SNTG2: variants seen among roughly 807,000 people sequenced by gnomAD.
SNTG2 encodes gamma-2-syntrophin.
In SNTG2, 74 loss-of-function variants were observed where a neutral mutation model predicts 70.9. The observed-to-expected ratio is 1.04, with a 90% CI of 0.86 to 1.27. SNTG2 has a LOEUF of 1.27. Among genes scored for constraint, SNTG2 ranks in the 50% most tolerant of loss-of-function variants. The probability of loss-of-function intolerance (pLI) is 0.00; values close to 1 mark genes in which losing one functional copy is unlikely to be tolerated. For missense variants in SNTG2, 717 were observed against 690.7 expected, an observed-to-expected ratio of 1.04 and a Z score of -0.43; for synonymous variants, 278 against 273.8, an observed-to-expected ratio of 1.02 and a Z score of -0.15.
rs141033672 is a variant in SNTG2 at position 1,270,566 on chromosome 2, C to T, written c.1284+2995C>T. Among the ~76,000 whole-genome samples the T allele has an allele frequency of 7.1e-4, 108 of 152,310 alleles. 1 individual carries two copies. Among genetic ancestry groups the T allele is most frequent in the African/African-American group, 2.5e-3 (105 of 41,560 alleles). On this transcript the variant is annotated intron_variant, in intron 14 of 16. Transcript: ENST00000308624. ...GACTAAACCACAATGGCAGGATCTA[C>T]GCAAGATTTCAAGAATTGCTGTCTT... is the stretch of plus-strand genomic sequence containing the variant.
At chr2:994,690 G>A (rs1661618456) in intron 1 of SNTG2, among the ~76,000 whole-genome samples, 1 of 151,746 alleles carries the variant, frequency 6.6e-6, no homozygotes, top group Non-Finnish European at 1.5e-5. Flanking sequence ...CATGAACATG[G>A]ACTGTCTTTC....
intron 1 of SNTG2, among the ~76,000 whole-genome samples, chr2:1,018,382 A>T (rs1440310147): frequency 2.6e-5 from 4 of 152,146 alleles, no homozygotes. Context: ...CTTCTGAAAG[A>T]TGCCCTTGAA....
intron 1 of SNTG2, 102 bp downstream of exon 1, chr2:951,170 C>G (rs1006045228): frequency 1.9e-6 from 1 of 538,558 alleles, no homozygotes; most frequent in Non-Finnish European, 2.8e-6. Flanking sequence ...CCTCGCTCCC[C>G]GCGACCCCTT....
intron 4 of SNTG2, among the ~76,000 whole-genome samples, chr2:1,130,238 T>C (rs1667935148): frequency 6.6e-6 from 1 of 152,220 alleles, no homozygotes; most frequent in Non-Finnish European, 1.5e-5. Flanking sequence ...GATGACATTC[T>C]TTGGAGCCAT....
At chr2:1,291,690 G>T (rs1340844751) in intron 14 of SNTG2, among the ~76,000 whole-genome samples, 3 of 152,274 alleles carry the variant, frequency 2.0e-5, no homozygotes, top group Non-Finnish European at 2.9e-5. Flanking sequence ...TCTCTGTTCT[G>T]TTCCATTGAT....
chr2:1,152,554 GTT>G (rs756903552), intron 6 of SNTG2, among the ~76,000 whole-genome samples: 32 of 133,050 alleles, frequency 2.4e-4, no homozygotes, highest in African/African-American at 7.4e-4. Context: ...ACACACGTAT[GTT>G]TCTAGGTGTG....
At chr2:1,141,649 C>G (rs568844477) in intron 6 of SNTG2, among the ~76,000 whole-genome samples, 36 of 152,314 alleles carry the variant, frequency 2.4e-4, no homozygotes, top group African/African-American at 8.7e-4. Flanking sequence ...TACAGCATGG[C>G]TTTTGGTTTT....
At chr2:1,117,238 C>T (rs997170902) in intron 4 of SNTG2, among the ~76,000 whole-genome samples, 1 of 152,040 alleles carries the variant, frequency 6.6e-6, no homozygotes, top group Non-Finnish European at 1.5e-5. Flanking sequence ...TTTCTAATTC[C>T]AAAGGCACTT....
intron 6 of SNTG2, among the ~76,000 whole-genome samples, chr2:1,153,280 T>C (rs559857197): frequency 6.6e-6 from 1 of 152,336 alleles, no homozygotes; most frequent in East Asian, 1.9e-4. Context: ...TATTATACTT[T>C]AAAGTTTTAG....
chr2:1,195,372 A>T (rs1672847425), intron 8 of SNTG2, among the ~76,000 whole-genome samples: 1 of 152,144 alleles, frequency 6.6e-6, no homozygotes, highest in Non-Finnish European at 1.5e-5. Flanking sequence ...ATTTCTCCAC[A>T]TCCTCTCCAG....
chr2:1,122,400 T>G (rs1418403927), intron 4 of SNTG2, among the ~76,000 whole-genome samples: 9 of 152,148 alleles, frequency 5.9e-5, no homozygotes, highest in Admixed American at 1.3e-4. Context: ...ATTAGAAAGA[T>G]TACATGTCAT....
intron 8 of SNTG2, among the ~76,000 whole-genome samples, chr2:1,185,334 T>C (rs1456970883): frequency 6.6e-6 from 1 of 152,206 alleles, no homozygotes; most frequent in African/African-American, 2.4e-5. Flanking sequence ...TCTATCATTC[T>C]GGGGTCTGGA....
At chr2:1,002,555 C>T (rs372598376) in intron 1 of SNTG2, among the ~76,000 whole-genome samples, 20 of 151,824 alleles carry the variant, frequency 1.3e-4, no homozygotes, top group African/African-American at 4.6e-4. Flanking sequence ...AATGAGATAC[C>T]GCCTTATACC....
intron 6 of SNTG2, among the ~76,000 whole-genome samples, chr2:1,139,552 C>T (rs921780475): frequency 3.3e-5 from 5 of 152,130 alleles, no homozygotes; most frequent in Admixed American, 6.5e-5. Context: ...AATTTTTGCA[C>T]CAGTTGCTCA....
At chr2:1,322,829 C>T (rs1420868499) in intron 16 of SNTG2, among the ~76,000 whole-genome samples, 3 of 152,020 alleles carry the variant, frequency 2.0e-5, no homozygotes, top group Non-Finnish European at 4.4e-5. Flanking sequence ...GGGCCCCTGC[C>T]ACTGAACGTC....
intron 8 of SNTG2, among the ~76,000 whole-genome samples, chr2:1,180,315 T>G (rs1444300890): frequency 7.4e-6 from 1 of 135,762 alleles, no homozygotes; most frequent in Non-Finnish European, 1.6e-5. Flanking sequence ...TGCAACCTAC[T>G]CATCTGACAA....
At chr2:951,379 A>G (rs1659956476) in intron 1 of SNTG2, among the ~76,000 whole-genome samples, 1 of 152,218 alleles carries the variant, frequency 6.6e-6, no homozygotes, top group Non-Finnish European at 1.5e-5. Flanking sequence ...AGTGCTTTCC[A>G]GAATTTGGGA....
At chr2:1,261,894 C>T (rs1678431989) in intron 13 of SNTG2, among the ~76,000 whole-genome samples, 1 of 152,140 alleles carries the variant, frequency 6.6e-6, no homozygotes, top group South Asian at 2.1e-4. Context: ...CCCAGACTCA[C>T]GTGGCTGCAA....
chr2:1,271,582 C>G (rs1679021921), intron 14 of SNTG2, among the ~76,000 whole-genome samples: 1 of 152,100 alleles, frequency 6.6e-6, no homozygotes, highest in African/African-American at 2.4e-5. Context: ...CCTATTGTTG[C>G]TATTATTTTC....
Sources: gnomAD v4.1 joint callset for allele counts (sites outside exome capture counted in the v4.1 genomes callset) on GRCh38, gnomAD v4.1.1 for gene constraint, MANE v1.5 for transcripts, NCBI Gene and HGNC (gene_info 2026-07-23, HGNC 2026-07-21) for gene names.